ZC3H4: variants seen among roughly 807,000 people sequenced by gnomAD.
ZC3H4 encodes zinc finger CCCH domain-containing protein 4.
ZC3H4 carries 13 observed loss-of-function variants against 108.3 expected under a neutral mutation model. The ratio of observed to expected loss-of-function variants is 0.12; its 90% CI spans 0.08 to 0.19. The LOEUF (loss-of-function observed/expected upper bound fraction) is 0.19. ZC3H4 is among the 10% of genes least tolerant of loss of function. The probability of loss-of-function intolerance (pLI) is 1.00; values close to 1 mark genes in which losing one functional copy is unlikely to be tolerated. For synonymous variants in ZC3H4, 917 were observed against 749.6 expected (o/e 1.22, Z -3.65); for missense variants, 1,734 against 1,838.8 (o/e 0.94, Z 1.04).
chr19:47,081,772 G>A, intron 10 of ZC3H4, 150 bp from the exon 11 acceptor site: 2 of 699,776 alleles, frequency 2.9e-6, no homozygotes, highest in Non-Finnish European at 4.9e-6. Context: ...TGCTCAGTGG[G>A]TTGGCAGGAA....
chr19:47,112,391 G>C, intron 2 of ZC3H4, 33 bp downstream of exon 2: 2 of 1,232,226 alleles, frequency 1.6e-6, no homozygotes, highest in Non-Finnish European at 2.0e-6. Flanking sequence ...CCTCCCCCCG[G>C]GGACGCAGCC....
intron 11 of ZC3H4, among the ~76,000 whole-genome samples, chr19:47,073,504 G>C (rs375416938): frequency 6.6e-6 from 1 of 151,438 alleles, no homozygotes; most frequent in Admixed American, 6.6e-5. Flanking sequence ...CCTGGGAGGC[G>C]GAGGTTCCAG....
chr19:47,101,417 T>C (rs1291099854), intron 2 of ZC3H4, among the ~76,000 whole-genome samples: 1 of 151,652 alleles, frequency 6.6e-6, no homozygotes, highest in Non-Finnish European at 1.5e-5. Context: ...ACAGGGTCTC[T>C]CTATGTTGCC....
At chr19:47,086,026 C>G (rs949588462) in intron 6 of ZC3H4, among the ~76,000 whole-genome samples, 2 of 152,066 alleles carry the variant, frequency 1.3e-5, no homozygotes, top group African/African-American at 4.8e-5. Flanking sequence ...TGCTACCACA[C>G]CCGGCTAATT....
chr19:47,070,426 G>A (rs1450061741), intron 13 of ZC3H4, among the ~76,000 whole-genome samples: 1 of 152,130 alleles, frequency 6.6e-6, no homozygotes, highest in Non-Finnish European at 1.5e-5. Context: ...GCACACACCA[G>A]AAACCAATGA....
rs538254475 is a variant in ZC3H4 at position 47,089,647 on chromosome 19, G to A, written c.715+320C>T. Among the ~76,000 whole-genome samples, 3 of 152,284 alleles carry A rather than the reference G, an allele frequency of 2.0e-5. No individual in the cohort carries two copies. In the East Asian group the frequency reaches 5.8e-4, roughly 29 times the overall value. On this transcript the variant is annotated intron_variant, in intron 5 of 14. Coordinates refer to ENST00000253048, the MANE Select transcript of ZC3H4 (RefSeq NM_015168.2). ...GGAGAATGGGGGAGCACTGCTGTGG[G>A]GTGTGGCAGCCAGCTGTCAGTGACC... is the stretch of plus-strand genomic sequence containing the variant.
At chr19:47,076,067 A>C (rs1600007836) in intron 11 of ZC3H4, among the ~76,000 whole-genome samples, 1 of 152,234 alleles carries the variant, frequency 6.6e-6, no homozygotes, top group Admixed American at 6.5e-5. Context: ...AGAGGTGCAG[A>C]GGCATGTGGG....
rs574506165 is a variant in ZC3H4, at chr19:47,064,721, T to TAAAAAA, written c.*1629_*1634dup. On this transcript the variant is annotated 3_prime_UTR_variant, in exon 15 of 15. Transcript: ENST00000253048. ...AAGACAAATCTCATTAATGATTGTG[T>TAAAAAA]AAAAAAAAAAAAAAAAAAAAAGACA... The TAAAAAA allele has an allele frequency of 8.8e-6, 1 of 113,126 alleles. No individual in the cohort carries two copies. The highest frequency in any genetic ancestry group is 3.5e-5 in the African/African-American group (1 of 28,442). The allele number at this position is 113,126 out of a possible 1,614,324, so 7.0% of individuals were successfully genotyped here.
chr19:47,101,730 G>C (rs963265242), intron 2 of ZC3H4, among the ~76,000 whole-genome samples: 1 of 152,010 alleles, frequency 6.6e-6, no homozygotes, highest in Admixed American at 6.6e-5. Flanking sequence ...AATTAGCTGG[G>C]CGTGGTGGCG....
chr19:47,067,891 G>A lies in ZC3H4; in HGVS notation c.2399-22C>T, dbSNP rs1429664580. ...TCACCTGGGAAAGAACAGAGGAGCA[G>A]GGAGGGGTGAGTGGGCGCATCCACC... On this transcript the variant is annotated intron_variant, in intron 14 of 14. Coordinates refer to ENST00000253048, the MANE Select transcript of ZC3H4 (RefSeq NM_015168.2). This position sits in a 1 kb window ranked among gnomAD's most constrained non-coding sequence, Gnocchi z 6.4. 6.4e-6 allele frequency: 10 copies of A among 1,564,726 alleles called. No homozygotes were observed. In the African/African-American group the frequency reaches 9.5e-5, roughly 15 times the overall value.
At chr19:47,110,728 C>T (rs983889074) in intron 2 of ZC3H4, among the ~76,000 whole-genome samples, 10 of 152,216 alleles carry the variant, frequency 6.6e-5, no homozygotes, top group African/African-American at 2.4e-4. Context: ...GAGTAATGCA[C>T]CTGCCCCCGG....
At chr19:47,096,131 A>G (rs1254995508) in intron 2 of ZC3H4, among the ~76,000 whole-genome samples, 1 of 152,152 alleles carries the variant, frequency 6.6e-6, no homozygotes, top group Non-Finnish European at 1.5e-5. Context: ...TTTTTCTATG[A>G]ACTCTCACTC....
At chr19:47,083,352 A>G (rs1030851024) in intron 9 of ZC3H4, among the ~76,000 whole-genome samples, 4 of 150,824 alleles carry the variant, frequency 2.7e-5, no homozygotes, top group African/African-American at 4.9e-5. Flanking sequence ...GATGGGGTCT[A>G]TGTTGCCCAG....
chr19:47,107,339 C>A (rs2057980313), intron 2 of ZC3H4, among the ~76,000 whole-genome samples: 1 of 152,004 alleles, frequency 6.6e-6, no homozygotes. Flanking sequence ...GTGTGGGTGT[C>A]CCCAAATGCA....
intron 2 of ZC3H4, among the ~76,000 whole-genome samples, chr19:47,098,040 A>G (rs914621141): frequency 1.3e-5 from 2 of 152,212 alleles, no homozygotes; most frequent in African/African-American, 4.8e-5. Context: ...CCTCCCGGAC[A>G]AAGCTCCCGG....
At chr19:47,091,045 T>G (rs1041370211) in intron 4 of ZC3H4, among the ~76,000 whole-genome samples, 2 of 152,076 alleles carry the variant, frequency 1.3e-5, no homozygotes, top group African/African-American at 4.8e-5. Context: ...GGCGGGCAGA[T>G]CACAAGGTCA....
intron 5 of ZC3H4, among the ~76,000 whole-genome samples, chr19:47,087,196 A>C (rs2057644129): frequency 1.3e-5 from 2 of 151,700 alleles, no homozygotes; most frequent in Non-Finnish European, 2.9e-5. Context: ...GAATTGCTTG[A>C]ACCCGGGAGG....
intron 11 of ZC3H4, among the ~76,000 whole-genome samples, chr19:47,078,853 C>T (rs1410334396): frequency 6.6e-6 from 1 of 151,884 alleles, no homozygotes. Flanking sequence ...AGTGAAACTC[C>T]GTCTCAAAAA....
intron 11 of ZC3H4, 27 bp downstream of exon 11, chr19:47,081,486 G>A (rs200230009): frequency 5.6e-5 from 89 of 1,591,478 alleles, no homozygotes; most frequent in African/African-American, 4.2e-4. Context: ...TCCTGTAGCC[G>A]GGGGCCCCGT....
Sources: gnomAD v4.1 joint callset for allele counts (sites outside exome capture counted in the v4.1 genomes callset) on GRCh38, gnomAD v4.1.1 for gene constraint, Gnocchi (gnomAD v3.1) non-coding constraint, MANE v1.5 for transcripts, NCBI Gene and HGNC (gene_info 2026-07-23, HGNC 2026-07-21) for gene names.